Variants in ADGRF5 observed in about 807,000 individuals in gnomAD.
ADGRF5 encodes adhesion G protein-coupled receptor F5.
In ADGRF5, 75 loss-of-function variants were observed where a neutral mutation model predicts 132.3. The ratio of observed to expected loss-of-function variants is 0.57; its 90% CI spans 0.47 to 0.69. The LOEUF (loss-of-function observed/expected upper bound fraction) is 0.69, where lower values mean the gene tolerates loss of function less well. ADGRF5 is among the 30% of genes least tolerant of loss of function. The pLI, the probability that ADGRF5 is intolerant of heterozygous loss-of-function variation, is 0.00. For synonymous variants in ADGRF5, 629 were observed against 597.6 expected (o/e 1.05, Z -0.77); for missense variants, 1,516 against 1,630.6 (o/e 0.93, Z 1.21).
At chr6:46,866,398 G>A (rs1342209983) in intron 13 of ADGRF5, among the ~76,000 whole-genome samples, 3 of 152,100 alleles carry the variant, frequency 2.0e-5, no homozygotes, top group African/African-American at 7.2e-5. Flanking sequence ...AGGGAGCACA[G>A]TCTTTACTTT....
intron 1 of ADGRF5, among the ~76,000 whole-genome samples, chr6:46,934,758 T>C (rs541184906): frequency 6.6e-6 from 1 of 152,294 alleles, no homozygotes; most frequent in East Asian, 1.9e-4. Flanking sequence ...AACAAACATA[T>C]GTAGCTGAGT....
intron 1 of ADGRF5, among the ~76,000 whole-genome samples, chr6:46,934,750 C>T (rs1456069090): frequency 1.3e-5 from 2 of 152,156 alleles, no homozygotes; most frequent in Non-Finnish European, 2.9e-5. Context: ...ACTCTTGGAA[C>T]AAACATATGT....
At chr6:46,876,033 G>C (rs922812655) in intron 10 of ADGRF5, among the ~76,000 whole-genome samples, 1 of 152,206 alleles carries the variant, frequency 6.6e-6, no homozygotes, top group African/African-American at 2.4e-5. Flanking sequence ...ATGAGAGCAG[G>C]TCATTCATTC....
rs555074585 is a variant in ADGRF5, at chr6:46,938,954, T to G, written c.-25+15780A>C. Among the ~76,000 whole-genome samples, 298 of 151,892 alleles carry G rather than the reference T, an allele frequency of 2.0e-3. 1 individual carries two copies. Among genetic ancestry groups the G allele is most frequent in the African/African-American group, 7.0e-3 (289 of 41,428 alleles). ...GGCCCAATCTTGGCTCACTGCAACC[T>G]CTGCCTCCTGAGTTCAAGTGATGTT... On this transcript the variant is annotated intron_variant, in intron 1 of 20. Transcript: ENST00000265417.
At chr6:46,915,855 A>G (rs112908082) in intron 1 of ADGRF5, among the ~76,000 whole-genome samples, 63 of 152,120 alleles carry the variant, frequency 4.1e-4, no homozygotes, top group Middle Eastern at 3.4e-3. Context: ...GTAGAGGCAA[A>G]CCCACAACAT....
At chr6:46,953,683 A>ATATATATC (rs1554131445) in intron 1 of ADGRF5, among the ~76,000 whole-genome samples, 90 of 126,636 alleles carry the variant, frequency 7.1e-4, no homozygotes, top group African/African-American at 2.5e-3. Context: ...ATATATATAT[A>ATATATATC]TATATATCTC....
At chr6:46,908,740 C>A (rs2150902217) in intron 1 of ADGRF5, 1 of 152,210 alleles carries the variant, frequency 6.6e-6, no homozygotes, top group Middle Eastern at 3.4e-3. Flanking sequence ...TTGTTGACAA[C>A]AAGATTGCAA....
intron 1 of ADGRF5, among the ~76,000 whole-genome samples, chr6:46,935,761 A>T (rs1777789261): frequency 6.6e-6 from 1 of 152,204 alleles, no homozygotes; most frequent in African/African-American, 2.4e-5. Flanking sequence ...AGGGCTGCAC[A>T]GATGTCTGTC....
chr6:46,901,384 A>T (rs1204817334), intron 2 of ADGRF5, among the ~76,000 whole-genome samples: 4 of 152,150 alleles, frequency 2.6e-5, no homozygotes, highest in Admixed American at 2.6e-4. Context: ...CCCTGCCCAC[A>T]GAGATCTGTG....
chr6:46,870,561 A>T (rs1770937649), intron 11 of ADGRF5, among the ~76,000 whole-genome samples: 1 of 152,314 alleles, frequency 6.6e-6, no homozygotes, highest in African/African-American at 2.4e-5. Flanking sequence ...AAGCCACTCA[A>T]AGAAGGTGTA....
chr6:46,910,042 T>G (rs1387970934), intron 1 of ADGRF5, among the ~76,000 whole-genome samples: 1 of 143,888 alleles, frequency 6.9e-6, no homozygotes, highest in Non-Finnish European at 1.5e-5. Flanking sequence ...AAATAAAAAA[T>G]AGAGAAACAA....
At position 46,862,897 on chromosome 6, in the gene ADGRF5, C is replaced by T; in HGVS notation, c.2190G>A (p.Gln730=). ...AAGCTTTAAGGATCACCTTAGCCAT[C>T]TGGAGCAGACTGTTTATTGGGGCAG... is the stretch of plus-strand genomic sequence containing the variant. ...CISAPINSLL[Q]MAKALIKSPS... Residue 730 remains glutamine, a synonymous_variant, in exon 15 of 21, where the codon CAG becomes CAA. Coordinates refer to ENST00000283296, the MANE Select transcript of ADGRF5 (RefSeq NM_001098518.2). 1 of 1,608,234 alleles carries T rather than the reference C, an allele frequency of 6.2e-7. No individual in the cohort carries two copies.
chr6:46,867,699 C>T lies in ADGRF5; in HGVS notation c.1622-562G>A, dbSNP rs114274371. Among the ~76,000 whole-genome samples, 407 of 152,300 alleles carry T rather than the reference C, an allele frequency of 2.7e-3. 1 individual carries two copies. The highest frequency in any genetic ancestry group is 9.1e-3 in the African/African-American group (378 of 41,568). ...AAGTAAGACCCTTCAATTTTCTTTA[C>T]ATTGCTTCCCTTTGCCCCAGCTCTG... On this transcript the variant is annotated intron_variant, in intron 12 of 20. Coordinates refer to ENST00000283296, the MANE Select transcript of ADGRF5 (RefSeq NM_001098518.2).
chr6:46,926,435 AC>A (rs1345097490), upstream of ADGRF5, among the ~76,000 whole-genome samples: 1 of 150,868 alleles, frequency 6.6e-6, no homozygotes, highest in Admixed American at 6.6e-5. Context: ...TCTTAGCACT[AC>A]CCCCTCTGCC....
chr6:46,888,070 T>C (rs1773237462), intron 4 of ADGRF5: 1 of 302,046 alleles, frequency 3.3e-6, no homozygotes, highest in Non-Finnish European at 5.8e-6. Context: ...GACCTGGCCA[T>C]ATCTTGGGAT....
At chr6:46,900,255 C>T (rs749493625) in intron 2 of ADGRF5, among the ~76,000 whole-genome samples, 172 bp from the exon 3 acceptor site, 6 of 152,134 alleles carry the variant, frequency 3.9e-5, no homozygotes, top group Non-Finnish European at 7.3e-5. Context: ...GTTTGGAAGA[C>T]AAAGTGGAGC....
At chr6:46,873,569 T>C (rs220675) in intron 10 of ADGRF5, among the ~76,000 whole-genome samples, 135,981 of 152,040 alleles carry the variant, frequency 0.89, 61,086 homozygotes, top group African/African-American at 0.96. Context: ...TCCTTCATCC[T>C]CTTCTCAAAG....
At chr6:46,900,177 G>A in intron 2 of ADGRF5, 94 bp from the exon 3 acceptor site, 1 of 914,328 alleles carries the variant, frequency 1.1e-6, no homozygotes, top group Non-Finnish European at 1.8e-6. Context: ...TTGGAGCTGA[G>A]CTTAAGGCTG....
At chr6:46,876,762 C>T (rs955619664) in intron 10 of ADGRF5, among the ~76,000 whole-genome samples, 1 of 152,134 alleles carries the variant, frequency 6.6e-6, no homozygotes, top group African/African-American at 2.4e-5. Context: ...CACCACCACA[C>T]CTAGCTAATT....
Sources: gnomAD v4.1 joint callset for allele counts (sites outside exome capture counted in the v4.1 genomes callset) on GRCh38, gnomAD v4.1.1 for gene constraint, MANE v1.5 for transcripts, NCBI Gene and HGNC (gene_info 2026-07-23, HGNC 2026-07-21) for gene names.